Variants in WWOX observed in about 807,000 individuals in gnomAD.
WWOX encodes the protein WW domain-containing oxidoreductase.
WWOX carries 69 observed loss-of-function variants against 46.2 expected under a neutral mutation model. That is an observed-to-expected ratio of 1.49 (90% CI 1.23 to 1.82). The LOEUF (loss-of-function observed/expected upper bound fraction) is 1.82, where lower values mean the gene tolerates loss of function less well. WWOX is among the 40% of genes most tolerant of loss of function. The probability of loss-of-function intolerance (pLI) is 0.00; values close to 1 mark genes in which losing one functional copy is unlikely to be tolerated. For missense variants in WWOX, 919 were observed against 542.6 expected (o/e 1.69, Z -6.89); for synonymous variants, 359 against 202.6 (o/e 1.77, Z -6.56).
chr16:78,803,804 T>C (rs1168314717), intron 8 of WWOX, among the ~76,000 whole-genome samples: 1 of 152,064 alleles, frequency 6.6e-6, no homozygotes, highest in African/African-American at 2.4e-5. Context: ...CTGTTGGAAG[T>C]GGCATGATGG....
chr16:79,002,063 CTAA>C (rs1406449068), intron 8 of WWOX, among the ~76,000 whole-genome samples: 2 of 152,002 alleles, frequency 1.3e-5, no homozygotes, highest in African/African-American at 4.8e-5. Context: ...GTAAATTACA[CTAA>C]TAATAATCTG....
intron 8 of WWOX, among the ~76,000 whole-genome samples, chr16:79,102,032 GT>G (rs2049208266): frequency 7.6e-6 from 1 of 132,172 alleles, no homozygotes; most frequent in African/African-American, 2.8e-5. Flanking sequence ...GTGGAGGGTG[GT>G]GGGGGTGGGG....
At chr16:78,427,297 G>A (rs1350430419) in intron 7 of WWOX, among the ~76,000 whole-genome samples, 1 of 152,178 alleles carries the variant, frequency 6.6e-6, no homozygotes, top group East Asian at 1.9e-4. Flanking sequence ...GCCTTCCTGT[G>A]TCTTCACTGT....
intron 8 of WWOX, among the ~76,000 whole-genome samples, chr16:78,879,429 A>G (rs1284862311): frequency 6.6e-6 from 1 of 151,976 alleles, no homozygotes; most frequent in Admixed American, 6.6e-5. Context: ...CAAAATCCAC[A>G]TCTCATACTT....
At chr16:78,428,136 G>T (rs955504797) in intron 7 of WWOX, among the ~76,000 whole-genome samples, 2 of 152,180 alleles carry the variant, frequency 1.3e-5, no homozygotes, top group African/African-American at 4.8e-5. Flanking sequence ...TGAGGGGCGG[G>T]GGTCCCCCTA....
intron 8 of WWOX, chr16:79,078,298 C>T (rs1393219226): frequency 6.6e-6 from 1 of 152,200 alleles, no homozygotes; most frequent in Non-Finnish European, 1.5e-5. Context: ...CATAGGTTGA[C>T]AAATTCCCCT....
At chr16:79,010,505 C>G (rs1228862573) in intron 8 of WWOX, among the ~76,000 whole-genome samples, 3 of 152,068 alleles carry the variant, frequency 2.0e-5, no homozygotes, top group Non-Finnish European at 2.9e-5. Context: ...CTGGGGATCC[C>G]CCAGGGAATA....
intron 8 of WWOX, among the ~76,000 whole-genome samples, chr16:78,947,899 TTGCTG>T (rs1284452681): frequency 6.6e-6 from 1 of 152,228 alleles, no homozygotes; most frequent in Admixed American, 6.5e-5. Context: ...TTGATTTACC[TTGCTG>T]TGGATATTTA....
At chr16:78,823,489 G>C (rs1319634864) in intron 8 of WWOX, among the ~76,000 whole-genome samples, 2 of 152,124 alleles carry the variant, frequency 1.3e-5, no homozygotes, top group Non-Finnish European at 2.9e-5. Flanking sequence ...CACATCTCAG[G>C]ATGCTGCAAA....
intron 8 of WWOX, among the ~76,000 whole-genome samples, chr16:79,112,671 C>T (rs1325109746): frequency 6.6e-6 from 1 of 152,192 alleles, no homozygotes; most frequent in Non-Finnish European, 1.5e-5. Context: ...GTTTGCACAT[C>T]ATTTAAATAT....
At chr16:78,259,451 C>G (rs1275543316) in intron 5 of WWOX, among the ~76,000 whole-genome samples, 1 of 151,750 alleles carries the variant, frequency 6.6e-6, no homozygotes, top group Non-Finnish European at 1.5e-5. Context: ...CTCAGTCTGC[C>G]GACTAGCTGG....
rs192919593 is a variant in WWOX at position 78,500,107 on chromosome 16, T to C, written c.1056+67355T>C. On this transcript the variant is annotated intron_variant, in intron 8 of 8. Coordinates refer to ENST00000566780, the MANE Select transcript of WWOX (RefSeq NM_016373.4). ...TGGTTCAAAGCACACATTGAGGTTT[T>C]TGGTGTGCCATTCTAATGCATGAGC... 3.1e-3 allele frequency among the ~76,000 whole-genome samples: 475 copies of C among 152,304 alleles called. 7 individuals are homozygous for C. Among genetic ancestry groups the C allele is most frequent in the Non-Finnish European group, 1.9e-3 (126 of 68,038 alleles).
chr16:78,967,754 C>T (rs933696617), intron 8 of WWOX, among the ~76,000 whole-genome samples: 1 of 152,108 alleles, frequency 6.6e-6, no homozygotes, highest in South Asian at 2.1e-4. Context: ...GACTCAGAAG[C>T]TGGAGACTGC....
At chr16:78,609,032 A>C (rs1050995748) in intron 8 of WWOX, among the ~76,000 whole-genome samples, 4 of 152,180 alleles carry the variant, frequency 2.6e-5, no homozygotes, top group Non-Finnish European at 4.4e-5. Context: ...TTAAAGGCTG[A>C]GTTTTATTAA....
chr16:78,813,193 T>G (rs1267468371), intron 8 of WWOX, among the ~76,000 whole-genome samples: 1 of 152,168 alleles, frequency 6.6e-6, no homozygotes, highest in Non-Finnish European at 1.5e-5. Flanking sequence ...TGCTTCTGAT[T>G]TTTGTTGTTT....
At chr16:78,598,277 G>C (rs76928786) in intron 8 of WWOX, among the ~76,000 whole-genome samples, 1 of 152,282 alleles carries the variant, frequency 6.6e-6, no homozygotes, top group Middle Eastern at 3.4e-3. Context: ...ACATTGTGCT[G>C]TTAGGTTTAA....
At chr16:78,193,976 C>T (rs1003618036) in intron 5 of WWOX, among the ~76,000 whole-genome samples, 1 of 151,544 alleles carries the variant, frequency 6.6e-6, no homozygotes, top group Non-Finnish European at 1.5e-5. Context: ...CTCCCGGGTT[C>T]CTGCCATTCT....
At chr16:79,038,916 C>G (rs891707558) in intron 8 of WWOX, among the ~76,000 whole-genome samples, 6 of 152,246 alleles carry the variant, frequency 3.9e-5, no homozygotes, top group East Asian at 3.9e-4. Context: ...TAGAGGATAA[C>G]TTACAAATCT....
At chr16:78,643,467 C>G (rs2046768206) in intron 8 of WWOX, among the ~76,000 whole-genome samples, 1 of 152,100 alleles carries the variant, frequency 6.6e-6, no homozygotes, top group Non-Finnish European at 1.5e-5. Context: ...TACCAAGTCA[C>G]CCATGAGTAG....
Sources: gnomAD v4.1 joint callset for allele counts (sites outside exome capture counted in the v4.1 genomes callset) on GRCh38, gnomAD v4.1.1 for gene constraint, MANE v1.5 for transcripts, NCBI Gene and HGNC (gene_info 2026-07-23, HGNC 2026-07-21) for gene names.